Variants in NRXN1 observed in about 807,000 individuals in gnomAD.
NRXN1 encodes neurexin-1.
In NRXN1, 39 loss-of-function variants were observed where a neutral mutation model predicts 150.9. The observed-to-expected ratio is 0.26, with a 90% CI of 0.20 to 0.34. The LOEUF (loss-of-function observed/expected upper bound fraction) is 0.34, where lower values mean the gene tolerates loss of function less well. Among genes scored for constraint, NRXN1 ranks in the 10% least tolerant of loss-of-function variants. NRXN1 has a pLI of 1.00. For synonymous variants in NRXN1, 924 were observed against 757.0 expected (o/e 1.22, Z -3.62); for missense variants, 1,815 against 1,949.9 (o/e 0.93, Z 1.30).
At position 49,919,905 on chromosome 2, in the gene NRXN1, A is replaced by C. The variant is rs1056388971; in HGVS notation, c.*2039T>G. Reference sequence around the variant, plus strand: ...TTCTTGGCTTTTTTTTCATCAACTAAAGTATCACAAAAGATGTTTTGCATT... The same window carrying C: ...TTCTTGGCTTTTTTTTCATCAACTACAGTATCACAAAAGATGTTTTGCATT... On this transcript the variant is annotated 3_prime_UTR_variant, in exon 23 of 23. Coordinates refer to ENST00000401669, the MANE Select transcript of NRXN1 (RefSeq NM_001330078.2). The C allele has an allele frequency of 5.3e-5, 8 of 152,064 alleles. No individual in the cohort carries two copies. Among genetic ancestry groups the C allele is most frequent in the Non-Finnish European group, 1.0e-4 (7 of 67,962 alleles). The allele number at this position is 152,064 out of a possible 1,614,324, so 9.4% of individuals were successfully genotyped here. A position where few individuals can be genotyped will look rare whatever the true frequency, so the allele number is the denominator to read the frequency against.
chr2:50,548,655 T>C (rs1274715675), intron 9 of NRXN1, among the ~76,000 whole-genome samples: 3 of 152,106 alleles, frequency 2.0e-5, no homozygotes, highest in Admixed American at 2.0e-4. Context: ...AGGAATGTAC[T>C]AGAAACTGTG....
intron 17 of NRXN1, among the ~76,000 whole-genome samples, chr2:50,263,078 A>G (rs1194801602): frequency 6.6e-6 from 1 of 151,550 alleles, no homozygotes; most frequent in African/African-American, 2.4e-5. Context: ...TTTGTCTATC[A>G]TCTCACTTTT....
chr2:51,031,429 A>G (rs185658096), intron 1 of NRXN1, among the ~76,000 whole-genome samples: 167 of 152,188 alleles, frequency 1.1e-3, no homozygotes, highest in African/African-American at 4.0e-3. Flanking sequence ...ACACCTTTCC[A>G]TGCACCCTTC....
At chr2:50,020,531 T>C (rs1687411022) in intron 21 of NRXN1, among the ~76,000 whole-genome samples, 1 of 152,222 alleles carries the variant, frequency 6.6e-6, no homozygotes, top group Admixed American at 6.5e-5. Flanking sequence ...CTCTGAAGAA[T>C]TAAATGTAAT....
At chr2:50,836,939 A>T (rs1672204656) in intron 5 of NRXN1, among the ~76,000 whole-genome samples, 1 of 152,020 alleles carries the variant, frequency 6.6e-6, no homozygotes, top group African/African-American at 2.4e-5. Context: ...ATAAAACTGA[A>T]ATCAGTCACT....
rs181009984 is a variant in NRXN1, at chr2:50,268,367, T to A, written c.3365-31397A>T. On this transcript the variant is annotated intron_variant, in intron 17 of 22. Coordinates refer to ENST00000401669, the MANE Select transcript of NRXN1 (RefSeq NM_001330078.2). The stretch of plus-strand genomic sequence containing the variant: ...TCCTTAAGTACACAAATATATGCTT[T>A]CTTATTATCCTACTTAGGCTTAGTA... Among the ~76,000 whole-genome samples, 3 of 152,282 alleles carry A rather than the reference T, an allele frequency of 2.0e-5. No individual in the cohort carries two copies. In the East Asian group the frequency reaches 5.8e-4, roughly 29 times the overall value.
intron 18 of NRXN1, among the ~76,000 whole-genome samples, chr2:50,112,878 T>C (rs1003272708): frequency 1.3e-5 from 2 of 152,264 alleles, no homozygotes; most frequent in East Asian, 3.9e-4. Context: ...CTATTCTAGA[T>C]ATAAAATGAT....
At chr2:50,852,033 A>G (rs1674590547) in intron 5 of NRXN1, among the ~76,000 whole-genome samples, 1 of 152,166 alleles carries the variant, frequency 6.6e-6, no homozygotes, top group Non-Finnish European at 1.5e-5. Flanking sequence ...TGTGCTAGCA[A>G]TGATCTGAAA....
At chr2:50,531,009 T>C (rs2093086762) in intron 11 of NRXN1, among the ~76,000 whole-genome samples, 1 of 151,964 alleles carries the variant, frequency 6.6e-6, no homozygotes, top group Admixed American at 6.6e-5. Context: ...GAACCCTCAG[T>C]GGTAGAAATC....
intron 8 of NRXN1, chr2:50,554,638 T>A (rs944369164): frequency 1.3e-5 from 2 of 152,188 alleles, no homozygotes; most frequent in African/African-American, 4.8e-5. Flanking sequence ...TACATGATAA[T>A]AAAAATCAAT....
intron 2 of NRXN1, among the ~76,000 whole-genome samples, chr2:50,940,414 G>T (rs1164650822): frequency 1.3e-5 from 2 of 150,610 alleles, no homozygotes; most frequent in African/African-American, 4.9e-5. Context: ...GGTGGAGGTT[G>T]CAGTGAACCA....
intron 21 of NRXN1, among the ~76,000 whole-genome samples, chr2:49,988,370 TA>T (rs371239178): frequency 2.6e-4 from 39 of 151,290 alleles, no homozygotes; most frequent in African/African-American, 9.2e-4. Flanking sequence ...AAAATCTGGG[TA>T]AACAAAATAG....
chr2:50,332,196 A>G (rs2076881235), intron 17 of NRXN1, among the ~76,000 whole-genome samples: 1 of 152,222 alleles, frequency 6.6e-6, no homozygotes, highest in Non-Finnish European at 1.5e-5. Flanking sequence ...CTTGAAAATC[A>G]TACCATGCTA....
intron 13 of NRXN1, among the ~76,000 whole-genome samples, chr2:50,500,885 T>C (rs945522763): frequency 6.6e-6 from 1 of 152,142 alleles, no homozygotes; most frequent in Non-Finnish European, 1.5e-5. Context: ...AAATTGCTGA[T>C]TGTGTGGTAT....
At chr2:50,501,749 A>G (rs1213691308) in intron 13 of NRXN1, among the ~76,000 whole-genome samples, 1 of 151,996 alleles carries the variant, frequency 6.6e-6, no homozygotes, top group African/African-American at 2.4e-5. Flanking sequence ...ACCCCTTGTC[A>G]TCTATGACCT....
At chr2:50,727,628 T>C (rs1458889078) in intron 5 of NRXN1, among the ~76,000 whole-genome samples, 1 of 152,140 alleles carries the variant, frequency 6.6e-6, no homozygotes, top group African/African-American at 2.4e-5. Flanking sequence ...AAGTACAGGG[T>C]ACACATATTG....
chr2:50,154,069 GA>G (rs1224418049), intron 18 of NRXN1, among the ~76,000 whole-genome samples: 1 of 151,762 alleles, frequency 6.6e-6, no homozygotes, highest in Non-Finnish European at 1.5e-5. Flanking sequence ...AGACTCCAGA[GA>G]TTAAAAATAG....
intron 19 of NRXN1, among the ~76,000 whole-genome samples, chr2:50,086,821 T>TGAGAGAGAGAGAGAGA (rs3046671): frequency 7.0e-5 from 10 of 142,842 alleles, no homozygotes; most frequent in African/African-American, 2.6e-4. Flanking sequence ...CAGAGAAGAA[T>TGAGAGAGAGAGAGAGA]GAGAGAGAGA....
chr2:50,755,593 A>T (rs1203439924), intron 5 of NRXN1, among the ~76,000 whole-genome samples: 1 of 151,768 alleles, frequency 6.6e-6, no homozygotes, highest in Admixed American at 6.6e-5. Context: ...AGGCCCAAAG[A>T]TTTATAAAAT....
Sources: gnomAD v4.1 joint callset for allele counts (sites outside exome capture counted in the v4.1 genomes callset) on GRCh38, gnomAD v4.1.1 for gene constraint, MANE v1.5 for transcripts, NCBI Gene and HGNC (gene_info 2026-07-23, HGNC 2026-07-21) for gene names.